Variants in CDH13 observed in about 807,000 individuals in gnomAD.
The protein encoded by CDH13 is cadherin-13.
CDH13 carries 24 observed loss-of-function variants against 63.8 expected under a neutral mutation model. The observed-to-expected ratio is 0.38, with a 90% CI of 0.27 to 0.53. The LOEUF is 0.53. Among genes scored for constraint, CDH13 ranks in the 20% least tolerant of loss-of-function variants. CDH13 has a pLI of 0.85. For synonymous variants in CDH13, 503 were observed against 355.3 expected, an observed-to-expected ratio of 1.42 and a Z score of -4.67; for missense variants, 1,049 against 903.1, an observed-to-expected ratio of 1.16 and a Z score of -2.07.
intron 2 of CDH13, among the ~76,000 whole-genome samples, chr16:82,978,392 G>A (rs1481803732): frequency 6.6e-6 from 1 of 152,244 alleles, no homozygotes; most frequent in Non-Finnish European, 1.5e-5. Flanking sequence ...AATGTCTCCA[G>A]GGCATGTCAG....
chr16:82,696,516 T>C (rs1325121924), intron 1 of CDH13, among the ~76,000 whole-genome samples: 1 of 152,222 alleles, frequency 6.6e-6, no homozygotes, highest in Non-Finnish European at 1.5e-5. Context: ...ACCTTTGGTT[T>C]TGATGGCAGC....
At chr16:82,919,741 C>T (rs1051202858) in intron 2 of CDH13, among the ~76,000 whole-genome samples, 11 of 152,176 alleles carry the variant, frequency 7.2e-5, no homozygotes, top group East Asian at 5.8e-4. Flanking sequence ...ACTTAAGCCG[C>T]GGTATAATTC....
At chr16:83,283,319 G>A (rs1040937306) in intron 5 of CDH13, among the ~76,000 whole-genome samples, 2 of 152,136 alleles carry the variant, frequency 1.3e-5, no homozygotes, top group African/African-American at 2.4e-5. Flanking sequence ...GGCTGGGTAC[G>A]GTGGCTTACT....
chr16:83,768,173 G>C (rs1914525339), intron 11 of CDH13, among the ~76,000 whole-genome samples: 1 of 151,866 alleles, frequency 6.6e-6, no homozygotes, highest in South Asian at 2.1e-4. Flanking sequence ...ATCATATGTA[G>C]ATTTTTAAAT....
At chr16:83,151,632 TA>T (rs1056547985) in intron 4 of CDH13, among the ~76,000 whole-genome samples, 8 of 151,526 alleles carry the variant, frequency 5.3e-5, no homozygotes, top group East Asian at 1.9e-4. Context: ...AGGATAGCTT[TA>T]AAAAAAAATA....
intron 2 of CDH13, among the ~76,000 whole-genome samples, chr16:83,006,411 C>T (rs1020676752): frequency 6.6e-6 from 1 of 152,166 alleles, no homozygotes; most frequent in African/African-American, 2.4e-5. Flanking sequence ...TTACTTTCCC[C>T]CAGAATAGCT....
At chr16:83,222,596 A>G (rs1254146215) in intron 5 of CDH13, among the ~76,000 whole-genome samples, 3 of 152,136 alleles carry the variant, frequency 2.0e-5, no homozygotes, top group Non-Finnish European at 4.4e-5. Flanking sequence ...TTAGACTTGT[A>G]CTTGGAAAGG....
At position 83,359,512 on chromosome 16, in the gene CDH13, G is replaced by A. The variant is rs74888986; in HGVS notation, c.781+14506G>A. On this transcript the variant is annotated intron_variant, in intron 6 of 13. Coordinates refer to ENST00000567109, the MANE Select transcript of CDH13 (RefSeq NM_001257.5). ...TGGAAAGACTCTAGAGACCCATGGA[G>A]CTGAATTCTAGTCCTGGCTCCTTCT... Among the ~76,000 whole-genome samples the A allele has an allele frequency of 5.9e-3, 900 of 152,246 alleles. 14 individuals are homozygous for A. The highest frequency in any genetic ancestry group is 0.02 in the African/African-American group (837 of 41,548).
chr16:82,730,108 G>T (rs533638029), intron 1 of CDH13, among the ~76,000 whole-genome samples: 2 of 152,308 alleles, frequency 1.3e-5, no homozygotes, highest in South Asian at 4.1e-4. Flanking sequence ...CTCCCCATCA[G>T]CAATAGGACT....
intron 5 of CDH13, among the ~76,000 whole-genome samples, chr16:83,244,598 C>T (rs928253525): frequency 6.6e-6 from 1 of 152,102 alleles, no homozygotes; most frequent in African/African-American, 2.4e-5. Context: ...TCCCCAACAC[C>T]ACCCTCAGAT....
At chr16:83,102,965 T>TTTTTTTC (rs2034570357) in intron 3 of CDH13, among the ~76,000 whole-genome samples, 80 of 107,856 alleles carry the variant, frequency 7.4e-4, no homozygotes, top group East Asian at 1.9e-3. Context: ...TTTTTTTTTT[T>TTTTTTTC]TTTTTGAGGT....
intron 2 of CDH13, among the ~76,000 whole-genome samples, chr16:82,908,099 C>T (rs754160730): frequency 2.0e-5 from 3 of 151,920 alleles, no homozygotes; most frequent in Non-Finnish European, 2.9e-5. Context: ...ACCACACTAT[C>T]CTTAACCTAG....
intron 5 of CDH13, among the ~76,000 whole-genome samples, chr16:83,305,084 C>T (rs2089842498): frequency 6.6e-6 from 1 of 152,176 alleles, no homozygotes; most frequent in Non-Finnish European, 1.5e-5. Flanking sequence ...GGTGAGAGTT[C>T]TAAGGGGCTG....
At chr16:82,713,085 G>T (rs1481688356) in intron 1 of CDH13, among the ~76,000 whole-genome samples, 2 of 151,680 alleles carry the variant, frequency 1.3e-5, no homozygotes, top group Admixed American at 6.6e-5. Context: ...GTTTAGGGAA[G>T]GCAAAGGACG....
intron 7 of CDH13, among the ~76,000 whole-genome samples, chr16:83,511,980 T>A (rs1454699695): frequency 6.6e-6 from 1 of 152,112 alleles, no homozygotes; most frequent in African/African-American, 2.4e-5. Flanking sequence ...ACATGGTTAG[T>A]CCTCAGTAAG....
In CDH13 at chr16:83,794,626, C is replaced by CATATATATATATATATATATAT. The variant is rs34550866; in HGVS notation, c.2135-380_2135-379insTATATATATATATATATATATA. ...CTGTGACTTGTGATCCTTAAGTCAA[C>CATATATATATATATATATATAT]ATATATATATATATATAGTCACAGG... On this transcript the variant is annotated intron_variant, in intron 13 of 13. Transcript: ENST00000567109. Among the ~76,000 whole-genome samples, 290 of 149,110 alleles carry CATATATATATATATATATATAT rather than the reference C, an allele frequency of 1.9e-3. 1 individual carries two copies. Among genetic ancestry groups the CATATATATATATATATATATAT allele is most frequent in the African/African-American group, 6.8e-3 (275 of 40,488 alleles).
chr16:83,388,876 C>G (rs906238275), intron 6 of CDH13, among the ~76,000 whole-genome samples: 7 of 152,112 alleles, frequency 4.6e-5, no homozygotes, highest in African/African-American at 1.2e-4. Context: ...CAGAATCTGC[C>G]GTTTAATAAG....
chr16:82,999,042 C>A (rs1912569207), intron 2 of CDH13, among the ~76,000 whole-genome samples: 1 of 152,120 alleles, frequency 6.6e-6, no homozygotes, highest in Admixed American at 6.5e-5. Context: ...GCGTATTCTT[C>A]CACGTTCCAT....
intron 1 of CDH13, among the ~76,000 whole-genome samples, chr16:82,729,810 A>G (rs1294593709): frequency 1.3e-5 from 2 of 152,170 alleles, no homozygotes; most frequent in African/African-American, 4.8e-5. Context: ...TACACGAAAA[A>G]TCTGTTTAGT....
Sources: allele counts gnomAD v4.1 joint callset (sites outside exome capture counted in the v4.1 genomes callset), GRCh38; gene constraint gnomAD v4.1.1; transcripts MANE v1.5; gene names NCBI Gene and HGNC (gene_info 2026-07-23, HGNC 2026-07-21).